The following TMEM132B variants were observed in gnomAD, a reference collection of about 807,000 sequenced individuals.
TMEM132B encodes the protein transmembrane protein 132B.
A neutral mutation model predicts 90.8 loss-of-function variants in TMEM132B; 18 were observed. The observed-to-expected ratio is 0.20, with a 90% CI of 0.14 to 0.29. The LOEUF (loss-of-function observed/expected upper bound fraction) is 0.29, where lower values mean the gene tolerates loss of function less well. TMEM132B is among the 10% of genes least tolerant of loss of function. The pLI is 1.00. For missense variants in TMEM132B, 1,096 were observed against 1,326.8 expected, an observed-to-expected ratio of 0.83 and a Z score of 2.70; for synonymous variants, 504 against 523.3, an observed-to-expected ratio of 0.96 and a Z score of 0.50.
intron 5 of TMEM132B, among the ~76,000 whole-genome samples, chr12:125,598,607 A>T (rs1409386570): frequency 6.6e-6 from 1 of 152,248 alleles, no homozygotes; most frequent in Non-Finnish European, 1.5e-5. Context: ...AAATCAATAT[A>T]GAAAAGGTGC....
At chr12:125,588,788 A>G (rs1885237267) in intron 5 of TMEM132B, among the ~76,000 whole-genome samples, 1 of 152,184 alleles carries the variant, frequency 6.6e-6, no homozygotes, top group African/African-American at 2.4e-5. Flanking sequence ...GCATTTGAAG[A>G]TAAATTTCCC....
In TMEM132B at chr12:125,349,065, A is replaced by G; in HGVS notation, c.68-387A>G. On this transcript the variant is annotated intron_variant, in intron 1 of 8. Coordinates refer to ENST00000682704, the MANE Select transcript of TMEM132B (RefSeq NM_001366854.1). This position sits in a 1 kb window ranked among gnomAD's most constrained non-coding sequence, Gnocchi z 4.1. ...GTAATAAGGCACTAACGTGTCACAT[A>G]CAATGGTGCAATGCCTGATTGGTAG... Among the ~76,000 whole-genome samples the G allele has an allele frequency of 6.6e-6, 1 of 152,258 alleles. No individual in the cohort carries two copies. The highest frequency in any genetic ancestry group is 1.9e-4 in the East Asian group (1 of 5,192).
At chr12:125,341,744 GA>G (rs774894794) in intron 1 of TMEM132B, among the ~76,000 whole-genome samples, 4 of 152,160 alleles carry the variant, frequency 2.6e-5, no homozygotes, top group Non-Finnish European at 5.9e-5. Context: ...CCATCTGAAG[GA>G]ACTCTGAGGG....
intron 1 of TMEM132B, among the ~76,000 whole-genome samples, chr12:125,248,435 G>T (rs370495647): frequency 6.6e-6 from 1 of 152,104 alleles, no homozygotes; most frequent in African/African-American, 2.4e-5. Flanking sequence ...TTTTAGATAG[G>T]TTACCAGGGG....
chr12:125,432,083 G>C (rs1470824043), intron 3 of TMEM132B, among the ~76,000 whole-genome samples: 1 of 151,986 alleles, frequency 6.6e-6, no homozygotes, highest in Non-Finnish European at 1.5e-5. Context: ...CACGCTGCCG[G>C]GGTGTTGGTG....
intron 4 of TMEM132B, among the ~76,000 whole-genome samples, chr12:125,537,158 A>G (rs1275046745): frequency 6.6e-6 from 1 of 152,170 alleles, no homozygotes; most frequent in African/African-American, 2.4e-5. Context: ...ACCCTGGGGA[A>G]CCCACATATA....
intron 1 of TMEM132B, among the ~76,000 whole-genome samples, chr12:125,191,089 TGGCGATGGTGATGGGGAAGG>T (rs1198561020): frequency 2.6e-4 from 5 of 19,602 alleles, no homozygotes; most frequent in Non-Finnish European, 3.6e-4. Flanking sequence ...GGGGAAGGGG[TGGCGATGGTGATGGGGAAGG>T]GGTGGTGGTG....
chr12:125,332,695 T>C (rs1172452138), intron 1 of TMEM132B, among the ~76,000 whole-genome samples: 2 of 149,862 alleles, frequency 1.3e-5, no homozygotes, highest in Non-Finnish European at 3.0e-5. Context: ...AAAAGGGATG[T>C]TGAAGGCGTC....
chr12:125,650,113 G>A (rs760891918), intron 6 of TMEM132B, among the ~76,000 whole-genome samples: 2 of 152,120 alleles, frequency 1.3e-5, no homozygotes, highest in Non-Finnish European at 2.9e-5. Context: ...AGGAGGTCGG[G>A]TGTTAGAACC....
At chr12:125,537,796 G>A (rs542285784) in intron 4 of TMEM132B, among the ~76,000 whole-genome samples, 1 of 152,292 alleles carries the variant, frequency 6.6e-6, no homozygotes, top group South Asian at 2.1e-4. Flanking sequence ...CTAGAGCCAG[G>A]CCAACCTGGC....
At chr12:125,491,520 C>G (rs1882349919) in intron 3 of TMEM132B, among the ~76,000 whole-genome samples, 1 of 152,246 alleles carries the variant, frequency 6.6e-6, no homozygotes, top group African/African-American at 2.4e-5. Flanking sequence ...ATGATGTTCA[C>G]TGCATCTGCA....
At chr12:125,187,493 C>T (rs889979955) in intron 1 of TMEM132B, among the ~76,000 whole-genome samples, 10 of 152,344 alleles carry the variant, frequency 6.6e-5, no homozygotes, top group South Asian at 6.2e-4. Flanking sequence ...ACTCCAGCGC[C>T]CTGACCCCAA....
At chr12:125,626,113 A>G (rs1886225205) in intron 5 of TMEM132B, among the ~76,000 whole-genome samples, 1 of 152,224 alleles carries the variant, frequency 6.6e-6, no homozygotes, top group Non-Finnish European at 1.5e-5. Flanking sequence ...TAACTCTGAA[A>G]AAATGAATTT....
intron 4 of TMEM132B, among the ~76,000 whole-genome samples, chr12:125,575,405 A>G (rs1333515790): frequency 1.3e-5 from 2 of 151,508 alleles, no homozygotes; most frequent in Non-Finnish European, 2.9e-5. Flanking sequence ...CTCATTTTTA[A>G]TTTGGGTATT....
chr12:125,647,159 C>G (rs1441165303), intron 6 of TMEM132B, among the ~76,000 whole-genome samples: 1 of 152,048 alleles, frequency 6.6e-6, no homozygotes, highest in Non-Finnish European at 1.5e-5. Context: ...TACTTAATCT[C>G]AATAACAGAG....
chr12:125,653,893 A>C lies in TMEM132B; in HGVS notation c.2435A>C (p.Asn812Thr), dbSNP rs1886992343. 6.2e-7 allele frequency: 1 copy of C among 1,614,174 alleles called. No homozygotes were observed. Among genetic ancestry groups the C allele is most frequent in the Non-Finnish European group, 8.5e-7 (1 of 1,180,044 alleles). Reference sequence around the variant, plus strand: ...GGCAGCAATGATATTGAGGGCATAAATCGGGAATATAAAGACCACCTCAGT... The same window carrying C: ...GGCAGCAATGATATTGAGGGCATAACTCGGGAATATAAAGACCACCTCAGT... ...QGGSNDIEGI[N>T]REYKDHLSNS... Residue 812 changes from asparagine to threonine, a missense_variant, in exon 9 of 9, where the codon AAT (asparagine) becomes ACT (threonine). By Grantham distance (65) the Asn-to-Thr change is moderately conservative. Coordinates refer to ENST00000682704, the MANE Select transcript of TMEM132B (RefSeq NM_001366854.1).
chr12:125,298,955 A>G (rs967869542), intron 1 of TMEM132B, among the ~76,000 whole-genome samples: 9 of 151,626 alleles, frequency 5.9e-5, no homozygotes, highest in African/African-American at 1.7e-4. Flanking sequence ...GGATGGTCTC[A>G]ATCTCCTGAC....
At chr12:125,608,254 T>C (rs1885743432) in intron 5 of TMEM132B, among the ~76,000 whole-genome samples, 1 of 152,232 alleles carries the variant, frequency 6.6e-6, no homozygotes, top group Non-Finnish European at 1.5e-5. Context: ...CCAAAAGTTA[T>C]TATCTTTTTA....
At chr12:125,336,107 C>T (rs980818745) in intron 1 of TMEM132B, among the ~76,000 whole-genome samples, 15 of 152,358 alleles carry the variant, frequency 9.8e-5, no homozygotes, top group African/African-American at 3.6e-4. Flanking sequence ...AGAGCTCCAT[C>T]ACCCCTCTTC....
Sources: gnomAD v4.1 joint callset for allele counts (sites outside exome capture counted in the v4.1 genomes callset) on GRCh38, gnomAD v4.1.1 for gene constraint, Gnocchi (gnomAD v3.1) non-coding constraint, MANE v1.5 for transcripts, NCBI Gene and HGNC (gene_info 2026-07-23, HGNC 2026-07-21) for gene names.